Variants in PTPRB observed in about 807,000 individuals in gnomAD.
PTPRB encodes protein tyrosine phosphatase receptor type B.
PTPRB carries 97 observed loss-of-function variants against 238.1 expected under a neutral mutation model. That is an observed-to-expected ratio of 0.41 (90% CI 0.35 to 0.48). The LOEUF (loss-of-function observed/expected upper bound fraction) is 0.48, where lower values mean the gene tolerates loss of function less well. Among genes scored for constraint, PTPRB ranks in the 20% least tolerant of loss-of-function variants. The probability of loss-of-function intolerance (pLI) is 0.30; values close to 1 mark genes in which losing one functional copy is unlikely to be tolerated. For synonymous variants in PTPRB, 970 were observed against 995.4 expected (o/e 0.97, Z 0.48); for missense variants, 2,292 against 2,681.9 (o/e 0.85, Z 3.21).
intron 4 of PTPRB, among the ~76,000 whole-genome samples, chr12:70,607,905 C>A (rs1030650072): frequency 2.0e-5 from 3 of 151,768 alleles, no homozygotes; most frequent in Non-Finnish European, 4.4e-5. Flanking sequence ...TAAGATGCTG[C>A]AAATCTCAGA....
intron 4 of PTPRB, chr12:70,608,785 T>G (rs964318177): frequency 1.3e-5 from 5 of 398,314 alleles, no homozygotes; most frequent in African/African-American, 2.0e-5. Flanking sequence ...CTTTAAAAAA[T>G]TCCCACCGCA....
At chr12:70,534,806 G>T in intron 30 of PTPRB, 27 bp downstream of exon 30, 3 of 1,611,326 alleles carry the variant, frequency 1.9e-6, no homozygotes, top group Non-Finnish European at 2.5e-6. Context: ...CCCAAGCTCG[G>T]TTGTTAAGTC....
intron 15 of PTPRB, among the ~76,000 whole-genome samples, chr12:70,564,053 T>C (rs894227155): frequency 6.6e-6 from 1 of 152,182 alleles, no homozygotes; most frequent in Non-Finnish European, 1.5e-5. Context: ...ATGGGCCTCT[T>C]TACTGTTCCT....
In PTPRB at chr12:70,563,060, G is replaced by C. The variant is rs756654585; in HGVS notation, c.3952C>G (p.His1318Asp). 10 of 1,613,592 alleles carry C rather than the reference G, an allele frequency of 6.2e-6. No homozygotes were observed. Among genetic ancestry groups the C allele is most frequent in the Non-Finnish European group, 8.5e-6 (10 of 1,179,700 alleles). ...DLRITENSTR[H>D]LSFRWTASEG... ...GAGGCGGTCCAGCGGAAGGACAGGT[G>C]CCTGGTGGAGTTCTCTGTGATCCTC... The change falls in exon 16 of 34, where the codon CAC becomes GAC. Residue 1318 changes from histidine (H) to aspartate (D), a missense_variant. His to Asp is a moderately conservative substitution (Grantham distance 81, BLOSUM62 -1). This residue lies in a region of PTPRB where 683 missense variants were observed against 862.0 expected (regional missense o/e 0.79). Coordinates refer to ENST00000334414, the MANE Select transcript of PTPRB (RefSeq NM_001109754.4).
At chr12:70,615,833 ATTGGCT>A (rs1180416484) in intron 3 of PTPRB, among the ~76,000 whole-genome samples, 1 of 152,204 alleles carries the variant, frequency 6.6e-6, no homozygotes, top group East Asian at 1.9e-4. Flanking sequence ...TTATGATAAC[ATTGGCT>A]TTAAAGAAAA....
Position 70,576,480 on chromosome 12 carries a change from C to T in PTPRB, c.2744G>A (p.Cys915Tyr), listed in dbSNP as rs888720892. The T allele has an allele frequency of 2.5e-6, 4 of 1,587,346 alleles. No homozygotes were observed. In the African/African-American group the frequency reaches 5.4e-5, roughly 21 times the overall value. The change falls in exon 11 of 34, where the codon TGT (cysteine) becomes TAT (tyrosine). Residue 915 changes from cysteine (C) to tyrosine (Y), a missense_variant. Cys to Tyr is a radical substitution (Grantham distance 194). Around this residue, in one of 4 missense-constraint regions of PTPRB, gnomAD observed 1,205 missense variants for 1,287.8 expected, o/e 0.94. Transcript: ENST00000334414. ...GCCTGGGGTGAGGGAGCTGAAGGAA[C>T]ATTCTCTGACAGACTTGGCAATGAC... ...SLVIAKSVRE[C>Y]SFSSLTPGRL...
Position 70,587,235 on chromosome 12 carries a change from G to A in PTPRB, c.2083C>T (p.His695Tyr). The change falls in exon 9 of 34, where the codon CAT becomes TAT. Residue 695 changes from histidine (H) to tyrosine (Y), a missense_variant. Physicochemically the swap from His to Tyr is moderately conservative, Grantham distance 83 (BLOSUM62 2). Transcript: ENST00000334414. ...ATACTCAGTGAGGTTTCATTGGCAT[G>A]TTTGACACGAAGCTGGAGGACAGCC... ...PLAVLQLRVK[H>Y]ANETSLSIMW... 6.2e-7 allele frequency: 1 copy of A among 1,613,876 alleles called. No homozygotes were observed. The highest frequency in any genetic ancestry group is 8.5e-7 in the Non-Finnish European group (1 of 1,179,812).
chr12:70,550,354 A>ACTT (rs2136291266), intron 21 of PTPRB, among the ~76,000 whole-genome samples: 2 of 152,324 alleles, frequency 1.3e-5, no homozygotes, highest in Admixed American at 1.3e-4. Flanking sequence ...AGCAGTGGGT[A>ACTT]CTTGGAGCAA....
chr12:70,560,623 G>A lies in PTPRB; in HGVS notation c.4432+48C>T. 6.2e-7 allele frequency: 1 copy of A among 1,600,922 alleles called. No homozygotes were observed. Among genetic ancestry groups the A allele is most frequent in the Non-Finnish European group, 8.5e-7 (1 of 1,172,664 alleles). ...AAATCAGAATCAAAATGTGTCTCTGGAAGCTACTTCCCACCATCCCTTGGC... is the reference window on the plus strand; with the variant it reads ...AAATCAGAATCAAAATGTGTCTCTGAAAGCTACTTCCCACCATCCCTTGGC... On this transcript the variant is annotated intron_variant, in intron 17 of 33. Transcript: ENST00000334414. This position sits in a 1 kb window ranked among gnomAD's most constrained non-coding sequence, Gnocchi z 4.2.
chr12:70,571,266 T>G lies in PTPRB; in HGVS notation c.3130A>C (p.Thr1044Pro). The change falls in exon 13 of 34, where the codon ACA becomes CCA. Residue 1044 changes from threonine to proline, a missense_variant. Physicochemically the swap from Thr to Pro is conservative, Grantham distance 38. Around this residue, in one of 4 missense-constraint regions of PTPRB, gnomAD observed 1,205 missense variants for 1,287.8 expected, o/e 0.94. Transcript: ENST00000334414. ...RTIPEPVKDLTLRNRSTEDLH... is the reference protein window; with the variant it reads ...RTIPEPVKDLPLRNRSTEDLH... ...TCCTCAGTGCTCCTGTTGCGCAATG[T>G]TAGATCCTTAACAGGCTCTGGAACT... 6.2e-7 allele frequency: 1 copy of G among 1,605,880 alleles called. No individual in the cohort carries two copies. The highest frequency in any genetic ancestry group is 8.5e-7 in the Non-Finnish European group (1 of 1,172,602).
rs1003316981 is a variant in PTPRB at position 70,544,540 on chromosome 12, G to C, written c.5494+17C>G. On this transcript the variant is annotated intron_variant, in intron 22 of 33. Transcript: ENST00000334414. Reference sequence around the variant, plus strand: ...GACATGGCAGTTGGTAGAACATGATGTAAAGGTTAGCCTTACCTGATTCAG... The same window carrying C: ...GACATGGCAGTTGGTAGAACATGATCTAAAGGTTAGCCTTACCTGATTCAG... 5.1e-6 allele frequency: 8 copies of C among 1,554,564 alleles called. No individual in the cohort carries two copies. The African/African-American group carries it at 1.1e-4, about 21-fold the overall frequency.
At chr12:70,626,486 G>T (rs1198252888) in intron 2 of PTPRB, among the ~76,000 whole-genome samples, 1 of 150,964 alleles carries the variant, frequency 6.6e-6, no homozygotes, top group African/African-American at 2.4e-5. Flanking sequence ...ACCAATTGCA[G>T]ATCAAACATA....
chr12:70,562,587 G>A (rs1008835820), intron 16 of PTPRB, among the ~76,000 whole-genome samples: 5 of 152,126 alleles, frequency 3.3e-5, no homozygotes, highest in African/African-American at 1.2e-4. Flanking sequence ...GCAAGAGGAG[G>A]AACCGCATTC....
intron 1 of PTPRB, among the ~76,000 whole-genome samples, 157 bp downstream of exon 1, chr12:70,637,184 C>G (rs1194883200): frequency 6.6e-6 from 1 of 152,118 alleles, no homozygotes; most frequent in East Asian, 1.9e-4. Flanking sequence ...ACAGTATGGG[C>G]ATAGCTGGCT....
intron 23 of PTPRB, chr12:70,540,561 CCA>C (rs71068705): frequency 6.3e-4 from 196 of 309,634 alleles, no homozygotes; most frequent in East Asian, 1.8e-3. Context: ...AGGATATGAA[CCA>C]CACACACACA....
chr12:70,574,307 G>T (rs1177928181), intron 11 of PTPRB, among the ~76,000 whole-genome samples: 1 of 152,142 alleles, frequency 6.6e-6, no homozygotes, highest in Non-Finnish European at 1.5e-5. Context: ...GTTGCCTTGT[G>T]TTTACTGATT....
intron 11 of PTPRB, among the ~76,000 whole-genome samples, chr12:70,574,373 C>T (rs770435915): frequency 7.9e-5 from 12 of 152,270 alleles, no homozygotes; most frequent in Non-Finnish European, 1.5e-4. Context: ...ATGCTTTCTC[C>T]AAGATATTTA....
In PTPRB at chr12:70,621,886, A is replaced by C. The variant is rs568723084; in HGVS notation, c.708+504T>G. Among the ~76,000 whole-genome samples, 10 of 152,352 alleles carry C rather than the reference A, an allele frequency of 6.6e-5. No homozygotes were observed. In the South Asian group the frequency reaches 1.7e-3, roughly 25 times the overall value. On this transcript the variant is annotated intron_variant, in intron 3 of 33. Coordinates refer to ENST00000334414, the MANE Select transcript of PTPRB (RefSeq NM_001109754.4). ...CACCCTGCTTCTCAGTCATTTGACT[A>C]ATGTCACCTGGTGGAGGTGGTTCAA...
intron 5 of PTPRB, among the ~76,000 whole-genome samples, chr12:70,595,424 T>C (rs953566625): frequency 2.0e-5 from 3 of 152,108 alleles, no homozygotes; most frequent in African/African-American, 7.2e-5. Flanking sequence ...GTTCTGCACA[T>C]GTATCCCAGA....
Sources: allele counts gnomAD v4.1 joint callset (sites outside exome capture counted in the v4.1 genomes callset), GRCh38; gene constraint gnomAD v4.1.1; regional missense constraint gnomAD v4.1.1; non-coding constraint Gnocchi (gnomAD v3.1); transcripts MANE v1.5; gene names NCBI Gene and HGNC (gene_info 2026-07-23, HGNC 2026-07-21).